The following HDAC4 variants were observed in gnomAD, a reference collection of about 807,000 sequenced individuals.
The protein encoded by HDAC4 is histone deacetylase 4.
HDAC4 carries 16 observed loss-of-function variants against 135.1 expected under a neutral mutation model. The observed-to-expected ratio is 0.12, with a 90% CI of 0.08 to 0.18. The LOEUF (loss-of-function observed/expected upper bound fraction) is 0.18. Ranked by LOEUF, HDAC4 falls within the 10% of genes least tolerant of loss-of-function variation. HDAC4 has a pLI of 1.00. For synonymous variants in HDAC4, 685 were observed against 653.4 expected, an observed-to-expected ratio of 1.05 and a Z score of -0.74; for missense variants, 1,143 against 1,511.8, an observed-to-expected ratio of 0.76 and a Z score of 4.05.
chr2:239,357,477 C>A (rs1375656674), intron 1 of HDAC4, among the ~76,000 whole-genome samples: 1 of 150,460 alleles, frequency 6.6e-6, no homozygotes, highest in African/African-American at 2.4e-5. Flanking sequence ...TAACAGAAGA[C>A]AACAGAACAG....
chr2:239,064,050 C>T (rs890229773), intron 24 of HDAC4, among the ~76,000 whole-genome samples: 14 of 152,182 alleles, frequency 9.2e-5, no homozygotes, highest in South Asian at 2.1e-4. Flanking sequence ...TGCAGAGAGA[C>T]GGAGCCTCGT....
At chr2:239,128,515 A>G (rs865869505) in intron 11 of HDAC4, among the ~76,000 whole-genome samples, 1 of 146,386 alleles carries the variant, frequency 6.8e-6, no homozygotes, top group African/African-American at 2.5e-5. Flanking sequence ...GCGACAAACG[A>G]GACTCTGTCT....
intron 2 of HDAC4, among the ~76,000 whole-genome samples, chr2:239,286,277 C>T (rs1035536165): frequency 1.3e-5 from 2 of 151,938 alleles, no homozygotes; most frequent in African/African-American, 4.8e-5. Context: ...GTAATTGATG[C>T]ATTTTAAAAA....
intron 11 of HDAC4, among the ~76,000 whole-genome samples, chr2:239,127,768 G>C (rs968564425): frequency 6.6e-6 from 1 of 152,238 alleles, no homozygotes; most frequent in Non-Finnish European, 1.5e-5. Context: ...CATGCCTGCT[G>C]CAAGGGCTAC....
At chr2:239,351,161 G>A (rs1211182808) in intron 2 of HDAC4, among the ~76,000 whole-genome samples, 27 of 152,204 alleles carry the variant, frequency 1.8e-4, no homozygotes, top group Admixed American at 1.8e-3. Context: ...CACTGACCCA[G>A]CTTCCACTTC....
chr2:239,156,884 C>G, intron 6 of HDAC4, 111 bp from the exon 7 acceptor site: 1 of 1,238,670 alleles, frequency 8.1e-7, no homozygotes. Flanking sequence ...TCAGCCCCAC[C>G]TCAACAGACA....
chr2:239,154,907 G>T (rs2042326593), intron 7 of HDAC4: 1 of 152,266 alleles, frequency 6.6e-6, no homozygotes, highest in Non-Finnish European at 1.5e-5. Context: ...CCCAATAAAG[G>T]TTTATGGCCC....
At chr2:239,252,322 C>T (rs1461349583) in intron 2 of HDAC4, among the ~76,000 whole-genome samples, 1 of 152,230 alleles carries the variant, frequency 6.6e-6, no homozygotes, top group Admixed American at 6.5e-5. Flanking sequence ...CCTTGCAGGA[C>T]TGAGAGGACT....
At chr2:239,191,981 A>G (rs981156622) in intron 3 of HDAC4, among the ~76,000 whole-genome samples, 1 of 152,120 alleles carries the variant, frequency 6.6e-6, no homozygotes, top group African/African-American at 2.4e-5. Context: ...CTCCTCTCTG[A>G]CTGTTTCTGT....
At chr2:239,205,118 A>C (rs142471079) in intron 3 of HDAC4, among the ~76,000 whole-genome samples, 217 of 152,310 alleles carry the variant, frequency 1.4e-3, no homozygotes, top group African/African-American at 5.1e-3. Context: ...CAAGGCCTAC[A>C]TTTAGGCCAG....
At position 239,090,073 on chromosome 2, in the gene HDAC4, G is replaced by C; in HGVS notation, c.2324C>G (p.Ala775Gly). 1 of 1,613,772 alleles carries C rather than the reference G, an allele frequency of 6.2e-7. No individual in the cohort carries two copies. Among genetic ancestry groups the C allele is most frequent in the East Asian group, 2.2e-5 (1 of 44,868 alleles). Residue 775 changes from alanine (A) to glycine (G), a missense_variant, in exon 18 of 27, where the codon GCA becomes GGA. Physicochemically the swap from Ala to Gly is moderately conservative, Grantham distance 60. Transcript: ENST00000543185. ...CACGCAGCCCACAGCCAGGCGGGCT[G>C]CCCCCGCCGAGTGCACCTCGTTCCA... ...TIWNEVHSAG[A>G]ARLAVGCVVE...
At chr2:239,088,639 G>A (rs1361261021) in intron 18 of HDAC4, among the ~76,000 whole-genome samples, 1 of 152,206 alleles carries the variant, frequency 6.6e-6, no homozygotes, top group African/African-American at 2.4e-5. Flanking sequence ...GTGTGTGTGT[G>A]AGCAGCTTCT....
chr2:239,294,923 G>C (rs985701559), intron 2 of HDAC4, among the ~76,000 whole-genome samples: 3 of 152,216 alleles, frequency 2.0e-5, no homozygotes, highest in African/African-American at 7.2e-5. Flanking sequence ...GGAGGCCCGG[G>C]AGAGACTGTC....
intron 3 of HDAC4, among the ~76,000 whole-genome samples, chr2:239,199,421 A>G (rs584293): frequency 1.3e-5 from 2 of 152,014 alleles, no homozygotes; most frequent in Admixed American, 6.5e-5. Context: ...GACCATTTCT[A>G]TAACGGGAAG....
chr2:239,401,602 G>A (rs889730507), upstream of HDAC4: 3 of 247,462 alleles, frequency 1.2e-5, no homozygotes. Context: ...GCAGGCTAAC[G>A]CGGGGAGCCG....
In HDAC4 at chr2:239,122,968, C is replaced by CGTCAGT. The variant is rs141139188; in HGVS notation, c.1533+3482_1533+3487dup. ...CATCCTCCAAGAGGAAGGGCCGGGA[C>CGTCAGT]GTCAGTGTTAGGCGGCCCTGGGCAA... On this transcript the variant is annotated intron_variant, in intron 12 of 26. Coordinates refer to ENST00000543185, the MANE Select transcript of HDAC4 (RefSeq NM_001378414.1). 4.3e-3 allele frequency among the ~76,000 whole-genome samples: 654 copies of CGTCAGT among 152,300 alleles called. 3 individuals carry two copies. The highest frequency in any genetic ancestry group is 0.015 in the African/African-American group (636 of 41,570).
intron 7 of HDAC4, among the ~76,000 whole-genome samples, chr2:239,148,875 T>C (rs966667935): frequency 2.6e-5 from 4 of 152,164 alleles, no homozygotes; most frequent in Non-Finnish European, 4.4e-5. Context: ...TGCTGAAATG[T>C]GGGCCTGAAT....
intron 7 of HDAC4, among the ~76,000 whole-genome samples, chr2:239,147,541 T>C (rs1235836778): frequency 6.6e-6 from 1 of 152,246 alleles, no homozygotes; most frequent in African/African-American, 2.4e-5. Flanking sequence ...TTCACCGCCC[T>C]CGCGGGCCTT....
At chr2:239,066,116 C>T (rs1043938087) in intron 24 of HDAC4, among the ~76,000 whole-genome samples, 3 of 152,202 alleles carry the variant, frequency 2.0e-5, no homozygotes, top group Non-Finnish European at 2.9e-5. Flanking sequence ...TGGAATGGAA[C>T]GCTGCAGGTG....
Sources: allele counts gnomAD v4.1 joint callset (sites outside exome capture counted in the v4.1 genomes callset), GRCh38; gene constraint gnomAD v4.1.1; transcripts MANE v1.5; gene names NCBI Gene and HGNC (gene_info 2026-07-23, HGNC 2026-07-21).